Variants in RBFOX1 observed in about 807,000 individuals in gnomAD.
RBFOX1 encodes RNA binding protein fox-1 homolog 1.
A neutral mutation model predicts 57.7 loss-of-function variants in RBFOX1; 8 were observed. That is an observed-to-expected ratio of 0.14 (90% CI 0.08 to 0.25). The LOEUF (loss-of-function observed/expected upper bound fraction) is 0.25. Ranked by LOEUF, RBFOX1 falls within the 10% of genes least tolerant of loss-of-function variation. The pLI is 1.00. For missense variants in RBFOX1, 611 were observed against 548.5 expected (o/e 1.11, Z -1.14); for synonymous variants, 326 against 222.4 (o/e 1.47, Z -4.15).
At chr16:7,410,830 C>CATGTGT (rs1397358392) in intron 4 of RBFOX1, among the ~76,000 whole-genome samples, 17 of 150,342 alleles carry the variant, frequency 1.1e-4, no homozygotes, top group African/African-American at 4.2e-4. Context: ...TGAGTTTTCA[C>CATGTGT]GTGTGTGTGT....
intron 1 of RBFOX1, among the ~76,000 whole-genome samples, chr16:6,215,082 A>T (rs1389069708): frequency 8.7e-6 from 1 of 115,398 alleles, no homozygotes; most frequent in Non-Finnish European, 1.8e-5. Context: ...AGATGGGGAG[A>T]GAGAAGGAGA....
chr16:6,316,180 C>T (rs546587297), intron 1 of RBFOX1, among the ~76,000 whole-genome samples: 1 of 148,732 alleles, frequency 6.7e-6, no homozygotes, highest in Non-Finnish European at 1.5e-5. Context: ...GTATCCCAAC[C>T]CCCTTGGGTA....
Position 5,259,034 on chromosome 16 carries a change from A to G in RBFOX1, c.219+18929A>G, listed in dbSNP as rs543552682. On this transcript the variant is annotated intron_variant, in intron 1 of 2. Coordinates refer to the RBFOX1 transcript ENST00000585867. Reference sequence around the variant, plus strand: ...GGGAGGAGGGGGTGACCTTCAGCGCAGGTTCAAGCATTCCCAGGGCTGGCT... The same window carrying G: ...GGGAGGAGGGGGTGACCTTCAGCGCGGGTTCAAGCATTCCCAGGGCTGGCT... Among the ~76,000 whole-genome samples the G allele has an allele frequency of 2.0e-5, 3 of 152,162 alleles. No individual in the cohort carries two copies. In the South Asian group the frequency reaches 6.2e-4, roughly 32 times the overall value.
intron 4 of RBFOX1, among the ~76,000 whole-genome samples, chr16:7,349,701 C>G (rs568983014): frequency 6.6e-5 from 10 of 152,000 alleles, no homozygotes; most frequent in Non-Finnish European, 1.3e-4. Context: ...ATGTGTTCAC[C>G]GATTTAGTAA....
chr16:6,768,770 C>T (rs973857682), intron 3 of RBFOX1, among the ~76,000 whole-genome samples: 3 of 148,280 alleles, frequency 2.0e-5, no homozygotes, highest in African/African-American at 5.0e-5. Flanking sequence ...TGCTTTGTCG[C>T]CAGGTTGGAG....
intron 4 of RBFOX1, among the ~76,000 whole-genome samples, chr16:7,066,673 G>A (rs887041395): frequency 2.6e-5 from 4 of 152,182 alleles, no homozygotes; most frequent in Non-Finnish European, 4.4e-5. Flanking sequence ...AGAAATCTAT[G>A]TGTTCTAATT....
At chr16:6,442,153 A>G (rs1175104122) in intron 2 of RBFOX1, among the ~76,000 whole-genome samples, 1 of 152,228 alleles carries the variant, frequency 6.6e-6, no homozygotes, top group Non-Finnish European at 1.5e-5. Flanking sequence ...CAGTGAGAAT[A>G]GCAGGGGACA....
At chr16:7,299,282 C>T (rs530849093) in intron 4 of RBFOX1, among the ~76,000 whole-genome samples, 11 of 152,044 alleles carry the variant, frequency 7.2e-5, no homozygotes, top group South Asian at 2.1e-4. Context: ...AAAAGATGGC[C>T]GTAAACTGTT....
chr16:6,941,355 C>CTTCCTTCA (rs2078480952), intron 3 of RBFOX1, among the ~76,000 whole-genome samples: 1 of 126,096 alleles, frequency 7.9e-6, no homozygotes, highest in Non-Finnish European at 1.7e-5. Flanking sequence ...TCCTTCCTTC[C>CTTCCTTCA]TTCTCTATGG....
intron 4 of RBFOX1, among the ~76,000 whole-genome samples, chr16:5,968,045 A>G (rs1278247304): frequency 6.6e-6 from 1 of 152,124 alleles, no homozygotes. Flanking sequence ...CTGTCTGACC[A>G]TTTTGACGGT....
At chr16:5,428,677 G>T (rs1403208271) in intron 1 of RBFOX1, among the ~76,000 whole-genome samples, 1 of 152,186 alleles carries the variant, frequency 6.6e-6, no homozygotes, top group Non-Finnish European at 1.5e-5. Context: ...GTGAGGAGGA[G>T]CTGGCCAGTG....
intron 4 of RBFOX1, among the ~76,000 whole-genome samples, chr16:7,462,482 C>T (rs1455938868): frequency 6.6e-6 from 1 of 152,226 alleles, no homozygotes; most frequent in Non-Finnish European, 1.5e-5. Flanking sequence ...CACAGCAAAA[C>T]TCTGTTTCAA....
At position 5,650,194 on chromosome 16, in the gene RBFOX1, C is replaced by G. The variant is rs1257857392; in HGVS notation, c.318+51233C>G. Among the ~76,000 whole-genome samples the G allele has an allele frequency of 2.6e-5, 4 of 152,216 alleles. No individual in the cohort carries two copies. In the East Asian group the frequency reaches 7.7e-4, roughly 29 times the overall value. On this transcript the variant is annotated intron_variant, in intron 3 of 19. Transcript: ENST00000641259. ...GGTGAAATAGTCGTAAGACGAGGCT[C>G]TCAATCTTACCTGAGCAAACAGAGG...
At chr16:6,221,114 G>C (rs551589237) in intron 1 of RBFOX1, among the ~76,000 whole-genome samples, 1 of 152,208 alleles carries the variant, frequency 6.6e-6, no homozygotes, top group Non-Finnish European at 1.5e-5. Flanking sequence ...CATATTTCCA[G>C]AAGTGTAATC....
In RBFOX1 at chr16:6,608,881, G is replaced by A. The variant is rs190612599; in HGVS notation, c.-63-45722G>A. 1.7e-3 allele frequency among the ~76,000 whole-genome samples: 254 copies of A among 152,250 alleles called. 4 individuals carry two copies. Among genetic ancestry groups the A allele is most frequent in the Admixed American group, 0.015 (225 of 15,302 alleles). The stretch of plus-strand genomic sequence containing the variant: ...GTGCCAGCAGGGCTGTTTTTTTCTT[G>A]AGCCTGTAGAGGAGATCTTTTTTCT... On this transcript the variant is annotated intron_variant, in intron 2 of 15. Transcript: ENST00000550418.
chr16:5,333,334 C>T (rs536762611), intron 1 of RBFOX1, among the ~76,000 whole-genome samples: 1 of 152,172 alleles, frequency 6.6e-6, no homozygotes, highest in Non-Finnish European at 1.5e-5. Context: ...CACGCCCATT[C>T]GTTTGCATAT....
chr16:7,153,858 G>A (rs1319030310), intron 4 of RBFOX1, among the ~76,000 whole-genome samples: 1 of 151,972 alleles, frequency 6.6e-6, no homozygotes, highest in African/African-American at 2.4e-5. Context: ...AGATGTTTTT[G>A]TTCTTGATAC....
intron 4 of RBFOX1, among the ~76,000 whole-genome samples, chr16:7,442,754 C>T (rs1187690093): frequency 6.6e-6 from 1 of 152,144 alleles, no homozygotes; most frequent in African/African-American, 2.4e-5. Flanking sequence ...GACCTGGTTG[C>T]TAATAGAAAC....
chr16:5,811,617 A>G (rs1174472537), intron 3 of RBFOX1, among the ~76,000 whole-genome samples: 1 of 151,548 alleles, frequency 6.6e-6, no homozygotes, highest in East Asian at 1.9e-4. Context: ...CATTGAGCTA[A>G]TTTTTGTAAT....
Sources: gnomAD v4.1 joint callset for allele counts (sites outside exome capture counted in the v4.1 genomes callset) on GRCh38, gnomAD v4.1.1 for gene constraint, MANE v1.5 for transcripts, NCBI Gene and HGNC (gene_info 2026-07-23, HGNC 2026-07-21) for gene names.